THOC5: variants seen among roughly 807,000 people sequenced by gnomAD.
THOC5 encodes the protein THO complex subunit 5, also known as Fms-interacting protein.
Under a neutral mutation model 92.9 loss-of-function variants are expected in THOC5, and 43 were observed. That is an observed-to-expected ratio of 0.46 (90% confidence interval 0.36 to 0.60). The LOEUF (loss-of-function observed/expected upper bound fraction) is 0.60, where lower values mean the gene tolerates loss of function less well. Among genes scored for constraint, THOC5 ranks in the 20% least tolerant of loss-of-function variants. The probability of loss-of-function intolerance (pLI) is 0.00; values close to 1 mark genes in which losing one functional copy is unlikely to be tolerated. For synonymous variants in THOC5, 296 were observed against 320.1 expected (o/e 0.92, Z 0.80); for missense variants, 659 against 849.4 (o/e 0.78, Z 2.79).
At chr22:29,513,735 C>T (rs545395697) in intron 17 of THOC5, among the ~76,000 whole-genome samples, 53 of 152,060 alleles carry the variant, frequency 3.5e-4, no homozygotes, top group Non-Finnish European at 6.6e-4. Flanking sequence ...TCGTGGCTCA[C>T]GCCTGTAATC....
intron 12 of THOC5, among the ~76,000 whole-genome samples, chr22:29,521,733 C>T (rs773663248): frequency 3.3e-5 from 5 of 152,114 alleles, no homozygotes; most frequent in Non-Finnish European, 5.9e-5. Context: ...TGGGATGGTT[C>T]GGGCACAGTT....
rs1385634176 is a variant in THOC5, at chr22:29,539,410, G to A, written c.519C>T (p.Ile173=). ...EEFYKEAPPD[I]SKAEVTMGDP... ...CTCCCATGGTGACTTCGGCCTTGCT[G>A]ATATCTGGTGGAGCCTCCTTATAAA... is the stretch of plus-strand genomic sequence containing the variant. The change falls in exon 6 of 20, where the codon ATC becomes ATT. Residue 173 remains isoleucine, a synonymous_variant. Transcript: ENST00000490103. 1 of 1,614,014 alleles carries A rather than the reference G, an allele frequency of 6.2e-7. No homozygotes were observed. The highest frequency in any genetic ancestry group is 1.3e-5 in the African/African-American group (1 of 74,928).
chr22:29,531,668 A>C, intron 8 of THOC5, 163 bp downstream of exon 8: 1 of 1,413,492 alleles, frequency 7.1e-7, no homozygotes, highest in Non-Finnish European at 9.2e-7. Flanking sequence ...CCAGCTGGTC[A>C]GAGCAGCCAT....
chr22:29,542,564 G>C (rs2063920225), intron 5 of THOC5, among the ~76,000 whole-genome samples: 1 of 152,138 alleles, frequency 6.6e-6, no homozygotes, highest in Non-Finnish European at 1.5e-5. Context: ...AGGAGTTCGA[G>C]AACAGCCTGG....
intron 12 of THOC5, among the ~76,000 whole-genome samples, chr22:29,523,994 G>A (rs547989915): frequency 6.6e-6 from 1 of 152,358 alleles, no homozygotes; most frequent in South Asian, 2.1e-4. Flanking sequence ...CGGGCTTTAG[G>A]TCCAGTGCTG....
At chr22:29,530,539 A>G (rs1230139595) in intron 8 of THOC5, among the ~76,000 whole-genome samples, 1 of 152,152 alleles carries the variant, frequency 6.6e-6, no homozygotes, top group Non-Finnish European at 1.5e-5. Flanking sequence ...AATTTTTTTT[A>G]ATACTCACAA....
At chr22:29,541,020 C>T (rs1014350056) in intron 5 of THOC5, among the ~76,000 whole-genome samples, 1 of 151,892 alleles carries the variant, frequency 6.6e-6, no homozygotes, top group African/African-American at 2.4e-5. Context: ...AGTTTGAGAC[C>T]AGCCTGGCCA....
rs1417793807 is a variant in THOC5 at position 29,512,004 on chromosome 22, C to G, written c.1797+17G>C. 5 of 1,610,526 alleles carry G rather than the reference C, an allele frequency of 3.1e-6. No homozygotes were observed. Among genetic ancestry groups the G allele is most frequent in the Non-Finnish European group, 4.2e-6 (5 of 1,177,156 alleles). On this transcript the variant is annotated intron_variant, in intron 18 of 19. Coordinates refer to ENST00000490103, the MANE Select transcript of THOC5 (RefSeq NM_003678.5). Reference sequence around the variant, plus strand: ...GAGCTCTGCCTGCTCCTCCTGTCATCCCCAGCTGGGTCTTACCCGAATGTT... The same window carrying G: ...GAGCTCTGCCTGCTCCTCCTGTCATGCCCAGCTGGGTCTTACCCGAATGTT...
At chr22:29,525,764 G>A (rs546110809) in intron 12 of THOC5, 74 bp downstream of exon 12, 21 of 1,248,726 alleles carry the variant, frequency 1.7e-5, no homozygotes, top group Admixed American at 1.6e-4. Flanking sequence ...GGGAGGAACC[G>A]AGAGCAGCCC....
Position 29,542,975 on chromosome 22 carries a change from C to G in THOC5, c.355-19G>C. 5.1e-6 allele frequency: 8 copies of G among 1,579,618 alleles called. No homozygotes were observed. Among genetic ancestry groups the G allele is most frequent in the South Asian group, 2.2e-5 (2 of 89,176 alleles). The stretch of plus-strand genomic sequence containing the variant: ...GCTTAGCCTGAAAGGAAAATACGAT[C>G]AGAAGTGAGCAGGGCAAGTCAGGAT... On this transcript the variant is annotated intron_variant, in intron 4 of 19. Coordinates refer to ENST00000490103, the MANE Select transcript of THOC5 (RefSeq NM_003678.5).
intron 11 of THOC5, among the ~76,000 whole-genome samples, chr22:29,526,606 C>T (rs1169759458): frequency 2.6e-5 from 4 of 151,762 alleles, no homozygotes; most frequent in East Asian, 1.9e-4. Context: ...TTCTTTGCTA[C>T]GCTTCCCACC....
chr22:29,545,530 T>A (rs369523905), intron 2 of THOC5, among the ~76,000 whole-genome samples: 1 of 152,022 alleles, frequency 6.6e-6, no homozygotes, highest in African/African-American at 2.4e-5. Flanking sequence ...GTAGATACAG[T>A]GGGGGTAAAT....
Position 29,521,066 on chromosome 22 carries a change from G to T in THOC5, c.1209C>A (p.Cys403Ter). ...DLLSPDSVLS[C>*]LYPGDHGKKT... ...TCTTTCCATGATCCCCAGGATACAA[G>T]CAACTCAGGACTGAGTCAGGAGACA... The change falls in exon 13 of 20, where the codon TGC becomes TGA. Residue 403 changes from cysteine to a stop codon, truncating the protein, a stop_gained. Coordinates refer to ENST00000490103, the MANE Select transcript of THOC5 (RefSeq NM_003678.5). LOFTEE classifies it high-confidence loss of function. 1.2e-6 allele frequency: 2 copies of T among 1,614,134 alleles called. No homozygotes were observed. The highest frequency in any genetic ancestry group is 1.7e-6 in the Non-Finnish European group (2 of 1,180,000).
At chr22:29,527,422 AAAAC>A (rs377088283) in intron 11 of THOC5, among the ~76,000 whole-genome samples, 13 of 152,086 alleles carry the variant, frequency 8.5e-5, no homozygotes, top group East Asian at 3.8e-4. Context: ...CCTATCTCTA[AAAAC>A]AAACAAACAA....
intron 7 of THOC5, chr22:29,534,941 A>AGAGC (rs903458929): frequency 5.4e-5 from 7 of 129,108 alleles, no homozygotes; most frequent in African/African-American, 2.1e-4. Context: ...CCTGGGTGAT[A>AGAGC]GAGCGAGACT....
chr22:29,509,863 A>G (rs1278889213), intron 19 of THOC5, among the ~76,000 whole-genome samples: 1 of 144,244 alleles, frequency 6.9e-6, no homozygotes, highest in Non-Finnish European at 1.6e-5. Context: ...GGAACAGAGA[A>G]CAAGGTGAGG....
chr22:29,511,545 G>A (rs2063222804), intron 18 of THOC5: 2 of 515,544 alleles, frequency 3.9e-6, no homozygotes, highest in Non-Finnish European at 6.9e-6. Flanking sequence ...ACAGAGGTGT[G>A]CAGGGAAGCA....
intron 2 of THOC5, among the ~76,000 whole-genome samples, chr22:29,546,228 AG>A (rs1441533089): frequency 1.3e-5 from 2 of 152,144 alleles, no homozygotes; most frequent in Non-Finnish European, 2.9e-5. Context: ...GGCCTGGCCC[AG>A]AAAACCACTT....
intron 8 of THOC5, chr22:29,531,239 T>C: frequency 9.8e-7 from 1 of 1,020,878 alleles, no homozygotes; most frequent in Non-Finnish European, 1.2e-6. Context: ...GCGGTGTATG[T>C]CTGTCTGATG....
Sources: allele counts gnomAD v4.1 joint callset (sites outside exome capture counted in the v4.1 genomes callset), GRCh38; gene constraint gnomAD v4.1.1; transcripts MANE v1.5; gene names NCBI Gene and HGNC (gene_info 2026-07-23, HGNC 2026-07-21).